KLHL13: variants seen among roughly 807,000 people sequenced by gnomAD.
KLHL13 encodes the protein kelch-like protein 13.
In KLHL13, 10 loss-of-function variants were observed where a neutral mutation model predicts 37.1. The observed-to-expected ratio is 0.27, with a 90% CI of 0.17 to 0.46. The LOEUF (loss-of-function observed/expected upper bound fraction) is 0.46. KLHL13 is among the 20% of genes least tolerant of loss of function. The probability of loss-of-function intolerance (pLI) is 1.00; values close to 1 mark genes in which losing one functional copy is unlikely to be tolerated. For synonymous variants in KLHL13, 163 were observed against 181.2 expected (o/e 0.90, Z 0.81); for missense variants, 360 against 509.3 (o/e 0.71, Z 2.82).
At chrX:118,056,194 C>T (rs1006330886) in intron 1 of KLHL13, among the ~76,000 whole-genome samples, 14 of 111,049 alleles carry the variant, frequency 1.3e-4, no homozygotes, top group Admixed American at 7.7e-4. Flanking sequence ...AATCTGAAAA[C>T]GAAATTTAAA....
chrX:117,940,916 C>T (rs920034348), intron 2 of KLHL13, among the ~76,000 whole-genome samples: 2 of 111,683 alleles, frequency 1.8e-5, no homozygotes, highest in Non-Finnish European at 3.8e-5. Context: ...TCCTCTCTTC[C>T]TATTTGAATA....
chrX:118,017,237 A>T (rs1412128172), intron 1 of KLHL13, among the ~76,000 whole-genome samples: 1 of 111,254 alleles, frequency 9.0e-6, no homozygotes, highest in Non-Finnish European at 1.9e-5. Flanking sequence ...ACTCATCTCC[A>T]GCCTTTTCTT....
rs140560010 is a variant in KLHL13, at chrX:117,940,248, T to G, written c.240+5186A>C. Reference sequence around the variant, plus strand: ...GTCAGGTTGGGCAAAGATCAGATGGTTGTAGATGTGTGGCATTACTTCTGA... The same window carrying G: ...GTCAGGTTGGGCAAAGATCAGATGGGTGTAGATGTGTGGCATTACTTCTGA... On this transcript the variant is annotated intron_variant, in intron 2 of 6. Transcript: ENST00000262820. Among the ~76,000 whole-genome samples the G allele has an allele frequency of 9.1e-3, 1,014 of 111,870 alleles. 17 individuals are homozygous for G. The highest frequency in any genetic ancestry group is 0.031 in the African/African-American group (941 of 30,742).
intron 1 of KLHL13, among the ~76,000 whole-genome samples, chrX:117,998,685 T>C (rs909165195): frequency 9.1e-6 from 1 of 109,898 alleles, no homozygotes; most frequent in African/African-American, 3.3e-5. Context: ...CTTTGTGACA[T>C]GCTCAAAATA....
intron 4 of KLHL13, among the ~76,000 whole-genome samples, chrX:117,917,510 A>G (rs1369219250): frequency 8.9e-6 from 1 of 112,472 alleles, no homozygotes; most frequent in East Asian, 2.8e-4. Context: ...AAATGTTTCA[A>G]CACAGGTTAA....
At chrX:117,921,393 A>G (rs919979731) in intron 2 of KLHL13, among the ~76,000 whole-genome samples, 1 of 111,993 alleles carries the variant, frequency 8.9e-6, no homozygotes, top group Non-Finnish European at 1.9e-5. Context: ...TTGTCGATTA[A>G]GAATAACGAA....
chrX:117,973,057 C>G (rs2053550410), exon 1 of KLHL13: 2 of 1,032,486 alleles, frequency 1.9e-6, no homozygotes, highest in Admixed American at 4.4e-5. Context: ...ATCATTCCAA[C>G]TCAACAATAG....
intron 1 of KLHL13, among the ~76,000 whole-genome samples, chrX:118,074,452 C>G (rs752201515): frequency 1.8e-5 from 2 of 111,643 alleles, no homozygotes; most frequent in Admixed American, 9.6e-5. Flanking sequence ...ACTTATCATG[C>G]AAACTGCCAG....
At chrX:118,025,213 C>T (rs1223272147) in intron 1 of KLHL13, among the ~76,000 whole-genome samples, 1 of 111,605 alleles carries the variant, frequency 9.0e-6, no homozygotes, top group Non-Finnish European at 1.9e-5. Flanking sequence ...CCACCCTAGC[C>T]CAGATGATAG....
chrX:118,048,733 T>C (rs769137173), intron 1 of KLHL13, among the ~76,000 whole-genome samples: 10 of 111,515 alleles, frequency 9.0e-5, no homozygotes, highest in African/African-American at 2.9e-4. Context: ...AACAAAAATA[T>C]AACGAGACAA....
chrX:118,083,975 T>TA, intron 1 of KLHL13, among the ~76,000 whole-genome samples: 1 of 110,827 alleles, frequency 9.0e-6, no homozygotes. Flanking sequence ...GGAGAAATAA[T>TA]AAAAAACAAA....
At chrX:118,083,308 A>G (rs1276843311) in intron 1 of KLHL13, among the ~76,000 whole-genome samples, 1 of 111,784 alleles carries the variant, frequency 8.9e-6, no homozygotes, top group Non-Finnish European at 1.9e-5. Context: ...ACTATTAACA[A>G]TAACCAAAAT....
intron 1 of KLHL13, among the ~76,000 whole-genome samples, chrX:118,067,943 T>C (rs867645437): frequency 1.8e-5 from 2 of 112,097 alleles, no homozygotes; most frequent in Admixed American, 1.9e-4. Flanking sequence ...AAGTATTATG[T>C]ACTATATATA....
chrX:117,942,359 C>G (rs1371622902), intron 2 of KLHL13, among the ~76,000 whole-genome samples: 2 of 111,358 alleles, frequency 1.8e-5, no homozygotes, highest in Non-Finnish European at 3.8e-5. Flanking sequence ...TGGTCTAGAG[C>G]TGAGTTCAAG....
chrX:118,013,516 A>G (rs1330369449), intron 1 of KLHL13, among the ~76,000 whole-genome samples: 1 of 112,349 alleles, frequency 8.9e-6, no homozygotes, highest in Non-Finnish European at 1.9e-5. Flanking sequence ...GACTTCAATG[A>G]GCCAGGAAGA....
At chrX:118,074,612 T>C (rs2054909106) in intron 1 of KLHL13, among the ~76,000 whole-genome samples, 2 of 111,734 alleles carry the variant, frequency 1.8e-5, no homozygotes, top group African/African-American at 6.5e-5. Flanking sequence ...CCACTGGCGA[T>C]TTTGTAAGAG....
rs1188492618 is a variant in KLHL13 at position 118,031,420 on chromosome X, AATATATATAGATATATATATTTAGAT to A, written c.-56+85062_-56+85087del. On this transcript the variant is annotated intron_variant, in intron 1 of 6. Coordinates refer to the KLHL13 transcript ENST00000371882. ...CTTTAACTAAAACTTTTAGCCAGGG[AATATATATAGATATATATATTTAGAT>A]ATATATATAGATATATATATTTAGA... 6.1e-3 allele frequency among the ~76,000 whole-genome samples: 449 copies of A among 73,438 alleles called. 3 individuals are homozygous for A. Among genetic ancestry groups the A allele is most frequent in the African/African-American group, 0.024 (372 of 15,366 alleles). 63.8% of individuals were successfully genotyped at this position (73,438 alleles called of 115,157 possible).
intron 1 of KLHL13, among the ~76,000 whole-genome samples, chrX:118,073,695 G>C (rs1427314434): frequency 8.9e-6 from 1 of 111,971 alleles, no homozygotes; most frequent in Non-Finnish European, 1.9e-5. Flanking sequence ...AGGGATGTTT[G>C]GAAAAGAATG....
intron 1 of KLHL13, among the ~76,000 whole-genome samples, chrX:118,059,927 AAAACAG>A (rs1242132560): frequency 8.9e-6 from 1 of 112,082 alleles, no homozygotes; most frequent in Non-Finnish European, 1.9e-5. Context: ...TACCGTCTGT[AAAACAG>A]AGACAGAGAC....
Sources: gnomAD v4.1 joint callset for allele counts (sites outside exome capture counted in the v4.1 genomes callset) on GRCh38, gnomAD v4.1.1 for gene constraint, MANE v1.5 for transcripts, NCBI Gene and HGNC (gene_info 2026-07-23, HGNC 2026-07-21) for gene names.